SLC16A10: variants seen among roughly 807,000 people sequenced by gnomAD.
The protein encoded by SLC16A10 is solute carrier family 16 member 10, also known as monocarboxylate transporter 10.
A neutral mutation model predicts 40.0 loss-of-function variants in SLC16A10; 27 were observed. The observed-to-expected ratio is 0.67, with a 90% CI of 0.50 to 0.93. The LOEUF is 0.93. Among genes scored for constraint, SLC16A10 ranks in the 40% least tolerant of loss-of-function variants. The pLI, the probability that SLC16A10 is intolerant of heterozygous loss-of-function variation, is 0.00. For missense variants in SLC16A10, 529 were observed against 658.2 expected (o/e 0.80, Z 2.15); for synonymous variants, 213 against 249.8 (o/e 0.85, Z 1.39).
intron 1 of SLC16A10, among the ~76,000 whole-genome samples, chr6:111,171,449 C>G (rs1001302768): frequency 2.6e-5 from 4 of 152,192 alleles, no homozygotes; most frequent in African/African-American, 9.7e-5. Context: ...GCCAGGAGTT[C>G]AAGACCAGCT....
chr6:111,126,159 CTTAAAG>C, intron 1 of SLC16A10, among the ~76,000 whole-genome samples: 1 of 152,294 alleles, frequency 6.6e-6, no homozygotes, highest in East Asian at 1.9e-4. Flanking sequence ...TAGGAATTAT[CTTAAAG>C]TCCTAGAATA....
intron 1 of SLC16A10, among the ~76,000 whole-genome samples, chr6:111,129,787 A>G (rs1771748066): frequency 6.6e-6 from 1 of 152,244 alleles, no homozygotes; most frequent in African/African-American, 2.4e-5. Flanking sequence ...GAAAGGCCAC[A>G]GGACAAAGTA....
intron 3 of SLC16A10, among the ~76,000 whole-genome samples, chr6:111,179,948 C>A (rs988345392): frequency 6.6e-6 from 1 of 152,184 alleles, no homozygotes; most frequent in Admixed American, 6.5e-5. Context: ...GATACTTAAC[C>A]AGGAATGGGA....
intron 4 of SLC16A10, among the ~76,000 whole-genome samples, chr6:111,208,917 A>G (rs1177540916): frequency 6.6e-6 from 1 of 152,188 alleles, no homozygotes; most frequent in African/African-American, 2.4e-5. Context: ...CTATTTTTAA[A>G]AAGGCCAGGC....
chr6:111,112,993 G>A (rs1771416513), intron 1 of SLC16A10, among the ~76,000 whole-genome samples: 1 of 152,148 alleles, frequency 6.6e-6, no homozygotes, highest in African/African-American at 2.4e-5. Flanking sequence ...TTCCAGGAAT[G>A]TTTTGGAGGA....
chr6:111,206,907 C>T (rs1178672203), intron 4 of SLC16A10, among the ~76,000 whole-genome samples, 172 bp downstream of exon 4: 3 of 152,140 alleles, frequency 2.0e-5, no homozygotes, highest in Non-Finnish European at 4.4e-5. Context: ...CAGCTCTCTG[C>T]AACCTCCACC....
intron 1 of SLC16A10, among the ~76,000 whole-genome samples, chr6:111,168,105 G>A (rs12204225): frequency 0.1 from 15,423 of 151,848 alleles, 1,033 homozygotes; most frequent in Middle Eastern, 0.17. Flanking sequence ...TCAGCCTCCC[G>A]AATAGCTGGG....
chr6:111,150,164 C>T (rs1772148012), intron 1 of SLC16A10, among the ~76,000 whole-genome samples: 1 of 152,146 alleles, frequency 6.6e-6, no homozygotes, highest in African/African-American at 2.4e-5. Context: ...TGGATTAATG[C>T]CGTTGTTGCA....
intron 1 of SLC16A10, among the ~76,000 whole-genome samples, chr6:111,118,834 C>T (rs1017297475): frequency 2.0e-5 from 3 of 152,142 alleles, no homozygotes; most frequent in African/African-American, 4.8e-5. Flanking sequence ...ACCAGAGAAG[C>T]TGGTTCATCT....
intron 4 of SLC16A10, among the ~76,000 whole-genome samples, chr6:111,207,865 G>T (rs1279634899): frequency 6.6e-6 from 1 of 152,190 alleles, no homozygotes; most frequent in Non-Finnish European, 1.5e-5. Flanking sequence ...ACAGGAAGCA[G>T]CTTGGGAAGG....
chr6:111,164,007 A>G (rs1439689985), intron 1 of SLC16A10, among the ~76,000 whole-genome samples: 1 of 152,236 alleles, frequency 6.6e-6, no homozygotes, highest in Non-Finnish European at 1.5e-5. Flanking sequence ...AGAGTAGATC[A>G]GTGCCTTAAG....
chr6:111,124,609 C>T (rs978612480), intron 1 of SLC16A10, among the ~76,000 whole-genome samples: 7 of 152,146 alleles, frequency 4.6e-5, no homozygotes, highest in African/African-American at 9.7e-5. Flanking sequence ...GCCATCTGCC[C>T]GCCTTGGCCT....
chr6:111,196,930 T>C (rs1773089119), intron 3 of SLC16A10, among the ~76,000 whole-genome samples: 1 of 152,150 alleles, frequency 6.6e-6, no homozygotes, highest in African/African-American at 2.4e-5. Flanking sequence ...TCTCCACGGA[T>C]ACCAAGAGAC....
chr6:111,208,124 A>G (rs1432606631), intron 4 of SLC16A10, among the ~76,000 whole-genome samples: 1 of 151,564 alleles, frequency 6.6e-6, no homozygotes, highest in Admixed American at 6.6e-5. Flanking sequence ...GCGTGCCACC[A>G]TGCCTGGCTA....
chr6:111,172,419 TTTA>T (rs979545456), intron 1 of SLC16A10, among the ~76,000 whole-genome samples: 4 of 152,192 alleles, frequency 2.6e-5, no homozygotes, highest in Non-Finnish European at 4.4e-5. Context: ...TCTCAATTTT[TTTA>T]TTGTGAAATA....
chr6:111,161,623 C>T (rs1008225160), intron 1 of SLC16A10, among the ~76,000 whole-genome samples: 7 of 152,120 alleles, frequency 4.6e-5, no homozygotes, highest in South Asian at 2.1e-4. Flanking sequence ...AGGGAGCCAT[C>T]GTCTGAGGCT....
intron 1 of SLC16A10, among the ~76,000 whole-genome samples, chr6:111,115,841 T>C (rs1771476976): frequency 6.6e-6 from 1 of 152,146 alleles, no homozygotes; most frequent in African/African-American, 2.4e-5. Context: ...CTGCAGTTTT[T>C]CCCTCCTGTC....
At chr6:111,191,693 C>T (rs968878853) in intron 3 of SLC16A10, among the ~76,000 whole-genome samples, 5 of 152,180 alleles carry the variant, frequency 3.3e-5, no homozygotes, top group African/African-American at 1.2e-4. Context: ...TGTTTCCTGA[C>T]ATTTTAATGA....
chr6:111,196,236 C>G (rs905784586), intron 3 of SLC16A10, among the ~76,000 whole-genome samples: 4 of 152,116 alleles, frequency 2.6e-5, no homozygotes, highest in South Asian at 2.1e-4. Context: ...ACTCAGGAGG[C>G]TGAGGCAGGG....
Sources: allele counts gnomAD v4.1 joint callset (sites outside exome capture counted in the v4.1 genomes callset), GRCh38; gene constraint gnomAD v4.1.1; transcripts MANE v1.5; gene names NCBI Gene and HGNC (gene_info 2026-07-23, HGNC 2026-07-21).